The following TTLL11 variants were observed in gnomAD, a reference collection of about 807,000 sequenced individuals.
The protein encoded by TTLL11 is tubulin tyrosine ligase like 11.
In TTLL11, 42 loss-of-function variants were observed where a neutral mutation model predicts 51.7. The observed-to-expected ratio is 0.81, with a 90% confidence interval of 0.64 to 1.05. TTLL11 has a LOEUF of 1.05. Ranked by LOEUF, TTLL11 falls within the 50% of genes least tolerant of loss-of-function variation. The probability of loss-of-function intolerance (pLI) is 0.00; values close to 1 mark genes in which losing one functional copy is unlikely to be tolerated. For missense variants in TTLL11, 799 were observed against 940.4 expected (o/e 0.85, Z 1.97); for synonymous variants, 381 against 383.5 (o/e 0.99, Z 0.08).
intron 6 of TTLL11, among the ~76,000 whole-genome samples, chr9:121,965,714 G>A (rs1326419965): frequency 6.6e-6 from 1 of 152,128 alleles, no homozygotes; most frequent in Non-Finnish European, 1.5e-5. Flanking sequence ...CTGTGCTTAC[G>A]ACAGCATGCT....
intron 6 of TTLL11, among the ~76,000 whole-genome samples, chr9:121,971,467 G>A (rs1842573983): frequency 7.9e-6 from 1 of 126,424 alleles, no homozygotes; most frequent in African/African-American, 2.7e-5. Context: ...CCCCCCGCCC[G>A]GCCAGCCGCC....
Position 122,093,211 on chromosome 9 carries a change from A to G in TTLL11, c.-63T>C. On this transcript the variant is annotated 5_prime_UTR_variant, in exon 1 of 9. Transcript: ENST00000321582. ...GCCGCCGCCGCCGCTCCGCCGCCCCAGTCCGCCACCAAACTGCCGCCGCTG... is the reference window on the plus strand; with the variant it reads ...GCCGCCGCCGCCGCTCCGCCGCCCCGGTCCGCCACCAAACTGCCGCCGCTG... 1.3e-6 allele frequency: 2 copies of G among 1,492,850 alleles called. No individual in the cohort carries two copies. Among genetic ancestry groups the G allele is most frequent in the African/African-American group, 1.5e-5 (1 of 68,486 alleles). The allele number at this position is 1,492,850 out of a possible 1,614,324, so 92.5% of individuals were successfully genotyped here. A position where few individuals can be genotyped will look rare whatever the true frequency, so the allele number is the denominator to read the frequency against.
intron 6 of TTLL11, among the ~76,000 whole-genome samples, chr9:121,960,879 TG>T (rs1842198267): frequency 6.6e-6 from 1 of 152,094 alleles, no homozygotes; most frequent in African/African-American, 2.4e-5. Context: ...AGGATGAGCC[TG>T]GGGGTGGATC....
At chr9:122,019,687 G>A (rs1200134903) in intron 3 of TTLL11, among the ~76,000 whole-genome samples, 1 of 152,180 alleles carries the variant, frequency 6.6e-6, no homozygotes, top group African/African-American at 2.4e-5. Context: ...CTGGACTCAA[G>A]CAATCTGCCT....
chr9:121,872,319 C>A (rs1282833777), intron 6 of TTLL11, among the ~76,000 whole-genome samples: 1 of 152,224 alleles, frequency 6.6e-6, no homozygotes, highest in Non-Finnish European at 1.5e-5. Context: ...ATTTCTTGGA[C>A]CTGCTTCCTT....
At chr9:121,918,190 T>C (rs1305666255) in intron 6 of TTLL11, among the ~76,000 whole-genome samples, 2 of 151,922 alleles carry the variant, frequency 1.3e-5, no homozygotes, top group African/African-American at 4.8e-5. Flanking sequence ...TGTGGATGGG[T>C]TGGGGAGACT....
chr9:121,860,559 C>A, intron 7 of TTLL11, 116 bp from the exon 8 acceptor site: 1 of 806,658 alleles, frequency 1.2e-6, no homozygotes. Flanking sequence ...AGGTTGAAAT[C>A]CTATCCCTCC....
intron 6 of TTLL11, among the ~76,000 whole-genome samples, chr9:121,944,364 T>C (rs7871942): frequency 0.086 from 13,110 of 151,926 alleles, 886 homozygotes; most frequent in African/African-American, 0.19. Flanking sequence ...AAAAATTAGC[T>C]GGGCATGGTG....
intron 8 of TTLL11, among the ~76,000 whole-genome samples, chr9:121,855,082 C>T (rs1180480256): frequency 6.6e-6 from 1 of 152,014 alleles, no homozygotes; most frequent in Non-Finnish European, 1.5e-5. Flanking sequence ...ACGGGGGGTT[C>T]CTTAGGTGGG....
intron 6 of TTLL11, among the ~76,000 whole-genome samples, chr9:121,966,432 ATCTATGT>A (rs1402719202): frequency 1.3e-5 from 2 of 152,198 alleles, no homozygotes; most frequent in Non-Finnish European, 2.9e-5. Context: ...TCCCTGAAAT[ATCTATGT>A]TCAGGAGAAG....
chr9:121,879,294 A>G (rs2131413346), intron 6 of TTLL11, among the ~76,000 whole-genome samples: 1 of 152,226 alleles, frequency 6.6e-6, no homozygotes, highest in East Asian at 1.9e-4. Flanking sequence ...GTAACCAAAC[A>G]CTAGATTGAC....
chr9:121,870,351 G>T, intron 7 of TTLL11, 146 bp downstream of exon 7: 1 of 1,009,042 alleles, frequency 9.9e-7, no homozygotes, highest in Non-Finnish European at 1.4e-6. Flanking sequence ...CCATGTGCCA[G>T]CCACTAGGCT....
chr9:122,085,984 C>T (rs1399531751), intron 1 of TTLL11, among the ~76,000 whole-genome samples: 1 of 152,162 alleles, frequency 6.6e-6, no homozygotes, highest in East Asian at 1.9e-4. Context: ...ATTACTTTTA[C>T]AATACGTTCA....
At chr9:122,059,152 A>C (rs1845374794) in intron 1 of TTLL11, among the ~76,000 whole-genome samples, 1 of 152,232 alleles carries the variant, frequency 6.6e-6, no homozygotes, top group African/African-American at 2.4e-5. Flanking sequence ...AATGATTAAA[A>C]GAAACATTGT....
At chr9:121,874,012 T>G (rs905831102) in intron 6 of TTLL11, among the ~76,000 whole-genome samples, 3 of 151,574 alleles carry the variant, frequency 2.0e-5, no homozygotes, top group Non-Finnish European at 2.9e-5. Flanking sequence ...ACCTGGCTAA[T>G]TTTTGTATTT....
At chr9:121,945,075 C>T (rs1841615702) in intron 6 of TTLL11, among the ~76,000 whole-genome samples, 1 of 152,118 alleles carries the variant, frequency 6.6e-6, no homozygotes, top group South Asian at 2.1e-4. Context: ...GTTTAACAAG[C>T]AACTAATTAG....
intron 6 of TTLL11, among the ~76,000 whole-genome samples, chr9:121,964,740 C>A (rs918599445): frequency 6.6e-6 from 1 of 152,140 alleles, no homozygotes; most frequent in African/African-American, 2.4e-5. Flanking sequence ...GAGCCTTGTG[C>A]CTTTGTTTTC....
At chr9:121,902,463 C>T (rs1442492304) in intron 6 of TTLL11, among the ~76,000 whole-genome samples, 1 of 152,200 alleles carries the variant, frequency 6.6e-6, no homozygotes, top group African/African-American at 2.4e-5. Context: ...TAGTTAGGAA[C>T]CTTGGAGAAA....
At chr9:122,067,913 A>G (rs1388029879) in intron 1 of TTLL11, among the ~76,000 whole-genome samples, 3 of 152,258 alleles carry the variant, frequency 2.0e-5, no homozygotes, top group Non-Finnish European at 4.4e-5. Flanking sequence ...GAGTGAAAAC[A>G]TTCCAAATTT....
Sources: gnomAD v4.1 joint callset for allele counts (sites outside exome capture counted in the v4.1 genomes callset) on GRCh38, gnomAD v4.1.1 for gene constraint, MANE v1.5 for transcripts, NCBI Gene and HGNC (gene_info 2026-07-23, HGNC 2026-07-21) for gene names.